SLC25A21: variants seen among roughly 807,000 people sequenced by gnomAD.
SLC25A21 encodes the protein mitochondrial 2-oxodicarboxylate carrier.
SLC25A21 carries 47 observed loss-of-function variants against 43.8 expected under a neutral mutation model. The ratio of observed to expected loss-of-function variants is 1.07; its 90% CI spans 0.85 to 1.37. The LOEUF (loss-of-function observed/expected upper bound fraction) is 1.37, where lower values mean the gene tolerates loss of function less well. SLC25A21 is among the 40% of genes most tolerant of loss of function. The probability of loss-of-function intolerance (pLI) is 0.00; values close to 1 mark genes in which losing one functional copy is unlikely to be tolerated. For missense variants in SLC25A21, 352 were observed against 350.2 expected, an observed-to-expected ratio of 1.00 and a Z score of -0.04; for synonymous variants, 131 against 121.3, an observed-to-expected ratio of 1.08 and a Z score of -0.52.
At chr14:36,894,954 G>A (rs2138588380) in intron 1 of SLC25A21, among the ~76,000 whole-genome samples, 1 of 152,288 alleles carries the variant, frequency 6.6e-6, no homozygotes, top group East Asian at 1.9e-4. Flanking sequence ...GTATTTTATT[G>A]AGGATTTTTG....
At chr14:36,948,138 C>T (rs1171257863) in intron 1 of SLC25A21, among the ~76,000 whole-genome samples, 2 of 152,156 alleles carry the variant, frequency 1.3e-5, no homozygotes, top group African/African-American at 4.8e-5. Flanking sequence ...TTTAAATCTA[C>T]ACCATGTACA....
chr14:36,894,717 A>G (rs185412057), intron 1 of SLC25A21, among the ~76,000 whole-genome samples: 2 of 152,174 alleles, frequency 1.3e-5, no homozygotes, highest in African/African-American at 4.8e-5. Context: ...ACTTCCCATC[A>G]ATACCTAATT....
chr14:36,795,361 C>T (rs1266773202), intron 3 of SLC25A21, among the ~76,000 whole-genome samples: 2 of 152,150 alleles, frequency 1.3e-5, no homozygotes. Context: ...GTTTGTTGTA[C>T]CACATGATTC....
intron 1 of SLC25A21, among the ~76,000 whole-genome samples, chr14:37,166,514 T>G (rs1401281069): frequency 6.6e-6 from 1 of 152,244 alleles, no homozygotes; most frequent in African/African-American, 2.4e-5. Context: ...TCTTCGTCTG[T>G]AAGTGGGGAT....
rs1040496250 is a variant in SLC25A21 at position 36,874,388 on chromosome 14, C to A, written c.119+568G>T. On this transcript the variant is annotated intron_variant, in intron 2 of 9. Transcript: ENST00000331299. The stretch of plus-strand genomic sequence containing the variant: ...TAAAAATGCTCTAGATCATATTATA[C>A]CCCACAAAGTTTTGTTATTTTTCTT... Among the ~76,000 whole-genome samples the A allele has an allele frequency of 2.0e-5, 3 of 152,200 alleles. No individual in the cohort carries two copies. In the East Asian group the frequency reaches 5.8e-4, roughly 29 times the overall value.
intron 1 of SLC25A21, among the ~76,000 whole-genome samples, chr14:36,883,481 A>G (rs1283447051): frequency 6.6e-6 from 1 of 152,164 alleles, no homozygotes; most frequent in Non-Finnish European, 1.5e-5. Flanking sequence ...TCTAGTGTGT[A>G]CCAACTTCTA....
At chr14:36,835,038 A>T (rs1889161508) in intron 2 of SLC25A21, among the ~76,000 whole-genome samples, 1 of 152,218 alleles carries the variant, frequency 6.6e-6, no homozygotes, top group Admixed American at 6.5e-5. Flanking sequence ...ATTTCCTAGC[A>T]TGGTCTATAA....
chr14:37,012,832 G>A (rs761421117), intron 1 of SLC25A21, among the ~76,000 whole-genome samples: 4 of 152,102 alleles, frequency 2.6e-5, no homozygotes, highest in African/African-American at 4.8e-5. Context: ...TCCACAGTGC[G>A]GGGCTGTGTT....
intron 1 of SLC25A21, among the ~76,000 whole-genome samples, chr14:37,054,254 G>C (rs974569255): frequency 5.3e-5 from 8 of 152,100 alleles, no homozygotes; most frequent in Non-Finnish European, 2.9e-5. Context: ...TCATACATGT[G>C]AGTAAAGCCA....
chr14:37,011,099 C>A (rs907434356), intron 1 of SLC25A21, among the ~76,000 whole-genome samples: 2 of 152,148 alleles, frequency 1.3e-5, no homozygotes, highest in Admixed American at 6.6e-5. Context: ...GTTGGCCAGG[C>A]TTGTCTCAAA....
At chr14:36,764,079 A>AGAAAGAAAGAAAGAAGGAAG (rs1555326615) in intron 3 of SLC25A21, among the ~76,000 whole-genome samples, 2 of 41,864 alleles carry the variant, frequency 4.8e-5, no homozygotes, top group African/African-American at 3.9e-4. Context: ...AAAGAAAGAA[A>AGAAAGAAAGAAAGAAGGAAG]GAAGGAAGGA....
chr14:36,696,965 T>C (rs1883053277), intron 7 of SLC25A21, among the ~76,000 whole-genome samples: 1 of 152,214 alleles, frequency 6.6e-6, no homozygotes, highest in African/African-American at 2.4e-5. Context: ...TCGAATGTGT[T>C]TGCTCTTCAT....
intron 1 of SLC25A21, among the ~76,000 whole-genome samples, chr14:36,981,171 TA>T (rs1439485595): frequency 6.6e-6 from 1 of 152,058 alleles, no homozygotes; most frequent in Admixed American, 6.5e-5. Flanking sequence ...TGGTGATCAT[TA>T]AAAAGTCAGG....
rs1882044457 is a variant in SLC25A21, at chr14:36,678,890, T to C, written c.*1768A>G. 1 of 976,980 alleles carries C rather than the reference T, an allele frequency of 1.0e-6. No homozygotes were observed. Among genetic ancestry groups the C allele is most frequent in the Non-Finnish European group, 1.2e-6 (1 of 821,348 alleles). The allele number at this position is 976,980 out of a possible 1,614,324, so 60.5% of individuals were successfully genotyped here. A position where few individuals can be genotyped will look rare whatever the true frequency, so the allele number is the denominator to read the frequency against. Reference sequence around the variant, plus strand: ...ATTTGCTATTCAAAGAAAATTATGATTTAAAGCCACTTTTTAAAATACGAG... The same window carrying C: ...ATTTGCTATTCAAAGAAAATTATGACTTAAAGCCACTTTTTAAAATACGAG... On this transcript the variant is annotated 3_prime_UTR_variant, in exon 10 of 10. Transcript: ENST00000331299.
intron 1 of SLC25A21, among the ~76,000 whole-genome samples, chr14:37,061,842 A>G (rs751440916): frequency 2.0e-5 from 3 of 152,232 alleles, no homozygotes; most frequent in Non-Finnish European, 4.4e-5. Context: ...CTGCACTTCA[A>G]AAAATTGTGG....
At chr14:37,033,107 AC>A (rs1266951461) in intron 1 of SLC25A21, among the ~76,000 whole-genome samples, 2 of 152,102 alleles carry the variant, frequency 1.3e-5, no homozygotes, top group Non-Finnish European at 2.9e-5. Flanking sequence ...AACACTCTAT[AC>A]CCACTAAACA....
chr14:36,771,091 T>C (rs1208876872), intron 3 of SLC25A21, among the ~76,000 whole-genome samples: 1 of 152,210 alleles, frequency 6.6e-6, no homozygotes, highest in African/African-American at 2.4e-5. Context: ...GGTGAAGATG[T>C]AGGTTTTCAA....
intron 1 of SLC25A21, among the ~76,000 whole-genome samples, chr14:36,926,985 C>A (rs563321296): frequency 6.6e-6 from 1 of 152,202 alleles, no homozygotes; most frequent in South Asian, 2.1e-4. Flanking sequence ...GCCTGGGCAA[C>A]ATGGTGAAAC....
At chr14:37,161,224 A>C (rs1963935345) in intron 1 of SLC25A21, among the ~76,000 whole-genome samples, 1 of 152,196 alleles carries the variant, frequency 6.6e-6, no homozygotes, top group Non-Finnish European at 1.5e-5. Flanking sequence ...AATCAATCAC[A>C]GAGACAACTT....
Sources: allele counts gnomAD v4.1 joint callset (sites outside exome capture counted in the v4.1 genomes callset), GRCh38; gene constraint gnomAD v4.1.1; transcripts MANE v1.5; gene names NCBI Gene and HGNC (gene_info 2026-07-23, HGNC 2026-07-21).